The following ZFC3H1 variants were observed in gnomAD, a reference collection of about 807,000 sequenced individuals.
The protein encoded by ZFC3H1 is zinc finger C3H1 domain-containing protein.
Under a neutral mutation model 243.7 loss-of-function variants are expected in ZFC3H1, and 71 were observed. That is an observed-to-expected ratio of 0.29 (90% CI 0.24 to 0.36). The LOEUF (loss-of-function observed/expected upper bound fraction) is 0.36. Among genes scored for constraint, ZFC3H1 ranks in the 10% least tolerant of loss-of-function variants. The pLI is 1.00. For synonymous variants in ZFC3H1, 838 were observed against 813.0 expected, an observed-to-expected ratio of 1.03 and a Z score of -0.52; for missense variants, 1,966 against 2,317.1, an observed-to-expected ratio of 0.85 and a Z score of 3.11.
chr12:71,663,831 C>G lies in ZFC3H1; in HGVS notation c.-221G>C. ...TCCCTTTCCTAGCGCCCCCTTGCTC[C>G]TCAGCGATCGGGGTTCTTCCGCCTC... On this transcript the variant is annotated 5_prime_UTR_variant, in exon 1 of 35. Transcript: ENST00000378743. 1 of 586,392 alleles carries G rather than the reference C, an allele frequency of 1.7e-6. No homozygotes were observed. Among genetic ancestry groups the G allele is most frequent in the Admixed American group, 3.1e-5 (1 of 32,184 alleles). The allele number at this position is 586,392 out of a possible 1,614,324, so 36.3% of individuals were successfully genotyped here.
rs1277587906 is a variant in ZFC3H1 at position 71,638,469 on chromosome 12, C to A, written c.1674G>T (p.Gly558=). Residue 558 remains glycine, a synonymous_variant, in exon 7 of 35, where the codon GGG becomes GGT. Transcript: ENST00000378743. ...QPPFFSECSL[G]YFSPAPSLSL... ...AAAGAGATGGTGCTGGAGAAAAATACCCCAATGAACATTCAGAGAAAAATG... is the reference window on the plus strand; with the variant it reads ...AAAGAGATGGTGCTGGAGAAAAATAACCCAATGAACATTCAGAGAAAAATG... 2 of 1,612,646 alleles carry A rather than the reference C, an allele frequency of 1.2e-6. No homozygotes were observed. Among genetic ancestry groups the A allele is most frequent in the Admixed American group, 3.3e-5 (2 of 59,844 alleles).
chr12:71,657,559 C>T (rs1024805661), intron 1 of ZFC3H1, among the ~76,000 whole-genome samples: 5 of 152,132 alleles, frequency 3.3e-5, no homozygotes, highest in Non-Finnish European at 7.4e-5. Flanking sequence ...CAGTAGTATC[C>T]ACAGACAGTC....
intron 21 of ZFC3H1, 86 bp downstream of exon 21, chr12:71,627,665 C>A: frequency 2.3e-6 from 3 of 1,309,080 alleles, no homozygotes; most frequent in Non-Finnish European, 3.2e-6. Context: ...AGGAAAGAAA[C>A]CTGACTGATT....
chr12:71,651,217 T>C (rs1565826341), intron 2 of ZFC3H1, among the ~76,000 whole-genome samples: 1 of 152,218 alleles, frequency 6.6e-6, no homozygotes, highest in East Asian at 1.9e-4. Flanking sequence ...CTCTAGTTAT[T>C]CCTTTTGCAT....
rs756305042 is a variant in ZFC3H1, at chr12:71,623,992, G to C, written c.4506+112C>G. 490 of 1,135,780 alleles carry C rather than the reference G, an allele frequency of 4.3e-4. 1 individual carries two copies. Among genetic ancestry groups the C allele is most frequent in the South Asian group, 8.4e-4 (46 of 54,762 alleles). 70.4% of individuals were successfully genotyped at this position (1,135,780 alleles called of 1,614,324 possible). ...ACTTACTAGTAAGTGGAAAAACAAG[G>C]ATTCAAATCCAAATCTTGTGCTTTC... On this transcript the variant is annotated intron_variant, in intron 23 of 34. Transcript: ENST00000378743.
At chr12:71,645,170 T>C (rs1000034723) in intron 3 of ZFC3H1, 95 bp from the exon 4 acceptor site, 51 of 1,212,892 alleles carry the variant, frequency 4.2e-5, no homozygotes, top group Non-Finnish European at 5.7e-5. Context: ...AAATTTGAAG[T>C]GTGAAGGCAA....
At chr12:71,642,312 GC>G (rs1230076738) in intron 6 of ZFC3H1, 123 bp downstream of exon 6, 5 of 1,055,254 alleles carry the variant, frequency 4.7e-6, no homozygotes, top group Middle Eastern at 2.6e-4. Flanking sequence ...AATGTCTATC[GC>G]CATACAGTTC....
rs78266086 is a variant in ZFC3H1, at chr12:71,622,728, G to A, written c.4744+632C>T. On this transcript the variant is annotated intron_variant, in intron 24 of 34. Transcript: ENST00000378743. ...TCCGCGCACCTTGGCCTCCTTGGCT[G>A]GGATTACAGGCGTGAGCCACTGTGC... Among the ~76,000 whole-genome samples the A allele has an allele frequency of 4.5e-3, 682 of 152,310 alleles. 6 individuals carry two copies. Among genetic ancestry groups the A allele is most frequent in the African/African-American group, 0.016 (656 of 41,564 alleles).
intron 19 of ZFC3H1, 53 bp downstream of exon 19, chr12:71,629,556 T>TACACACACACACACACACACAC (rs35067681): frequency 1.6e-4 from 112 of 691,674 alleles, no homozygotes; most frequent in African/African-American, 1.4e-3. Flanking sequence ...AGAGATACAG[T>TACACACACACACACACACACAC]ACACACACAC....
Position 71,634,840 on chromosome 12 carries a change from AC to A in ZFC3H1, c.2239-16del, listed in dbSNP as rs781705564. Reference sequence around the variant, plus strand: ...TTTGAAGCTTGCTAAAAAAAAAAAAACATTTGAAGTCAACTAGATCATCAGC... The same window carrying A: ...TTTGAAGCTTGCTAAAAAAAAAAAAAATTTGAAGTCAACTAGATCATCAGC... On this transcript the variant is annotated splice_polypyrimidine_tract_variant and intron_variant, in intron 10 of 34. Coordinates refer to ENST00000378743, the MANE Select transcript of ZFC3H1 (RefSeq NM_144982.5). The A allele has an allele frequency of 6.7e-5, 103 of 1,539,920 alleles. No homozygotes were observed. In the East Asian group the frequency reaches 1.2e-3, roughly 17 times the overall value.
intron 26 of ZFC3H1, 125 bp downstream of exon 26, chr12:71,619,801 A>G (rs1029285114): frequency 4.9e-6 from 4 of 820,120 alleles, no homozygotes; most frequent in Non-Finnish European, 5.7e-6. Flanking sequence ...GCTATGGCAA[A>G]GAGAGAAGGA....
chr12:71,652,191 T>C (rs1009377808), intron 2 of ZFC3H1, among the ~76,000 whole-genome samples: 1 of 152,104 alleles, frequency 6.6e-6, no homozygotes, highest in African/African-American at 2.4e-5. Context: ...TGTAGAAACA[T>C]TTATATATAT....
rs1190096098 is a variant in ZFC3H1 at position 71,656,963 on chromosome 12, C to A, written c.937G>T (p.Asp313Tyr). The change falls in exon 2 of 35, where the codon GAT (aspartate) becomes TAT (tyrosine). Residue 313 changes from aspartate (D) to tyrosine (Y), a missense_variant. Physicochemically the swap from Asp to Tyr is radical, Grantham distance 160. Coordinates refer to ENST00000378743, the MANE Select transcript of ZFC3H1 (RefSeq NM_144982.5). ...PLRQKLTLPGDKNRLKKVKDG... is the reference protein window; with the variant it reads ...PLRQKLTLPGYKNRLKKVKDG... ...TTAACTTTTTTCAAACGGTTCTTAT[C>A]TCCTGGTAAAGTCAATTTTTGCCTG... The A allele has an allele frequency of 1.2e-6, 2 of 1,613,866 alleles. No homozygotes were observed. The highest frequency in any genetic ancestry group is 1.1e-5 in the South Asian group (1 of 91,068).
intron 2 of ZFC3H1, among the ~76,000 whole-genome samples, chr12:71,652,168 G>C (rs1282432776): frequency 6.6e-6 from 1 of 152,098 alleles, no homozygotes; most frequent in Non-Finnish European, 1.5e-5. Context: ...GAGGATTGGT[G>C]GGGAAATATA....
At chr12:71,611,962 T>TTG in intron 31 of ZFC3H1, 75 bp from the exon 32 acceptor site, 7 of 806,374 alleles carry the variant, frequency 8.7e-6, no homozygotes, top group Non-Finnish European at 1.4e-5. Context: ...ATGAGCACAA[T>TTG]GACGAAGTAT....
At chr12:71,621,130 T>C (rs1027645455) in intron 24 of ZFC3H1, among the ~76,000 whole-genome samples, 1 of 152,218 alleles carries the variant, frequency 6.6e-6, no homozygotes, top group Non-Finnish European at 1.5e-5. Context: ...CTTACTGTTA[T>C]GCTCTTAAAT....
In ZFC3H1 at chr12:71,610,343, A is replaced by G; in HGVS notation, c.*85T>C. 1 of 1,500,406 alleles carries G rather than the reference A, an allele frequency of 6.7e-7. No individual in the cohort carries two copies. The highest frequency in any genetic ancestry group is 9.0e-7 in the Non-Finnish European group (1 of 1,106,414). 92.9% of individuals were successfully genotyped at this position (1,500,406 alleles called of 1,614,324 possible). A position where few individuals can be genotyped will look rare whatever the true frequency, so the allele number is the denominator to read the frequency against. ...CGCTTGTCTGCCTTACACAGACCTT[A>G]GCCAGGGATCAGCCTAATCTTGAAG... On this transcript the variant is annotated 3_prime_UTR_variant, in exon 35 of 35. Transcript: ENST00000378743.
chr12:71,653,002 G>A (rs1350497069), intron 2 of ZFC3H1, among the ~76,000 whole-genome samples: 2 of 149,516 alleles, frequency 1.3e-5, no homozygotes, highest in African/African-American at 4.9e-5. Flanking sequence ...ATCACTAAAT[G>A]TTCAAGAAAA....
chr12:71,656,950 A>G lies in ZFC3H1; in HGVS notation c.950T>C (p.Leu317Ser), dbSNP rs917938405. 1.2e-6 allele frequency: 2 copies of G among 1,613,596 alleles called. No individual in the cohort carries two copies. The highest frequency in any genetic ancestry group is 1.1e-5 in the South Asian group (1 of 91,032). The change falls in exon 2 of 35, where the codon TTG becomes TCG. Residue 317 changes from leucine to serine, a missense_variant. Physicochemically the swap from Leu to Ser is moderately radical, Grantham distance 145 (BLOSUM62 -2). This residue lies in a region of ZFC3H1 where 484 missense variants were observed against 449.7 expected (regional missense o/e 1.08). Transcript: ENST00000378743. Reference protein sequence around the residue: ...KLTLPGDKNRLKKVKDGAKPL... With the variant: ...KLTLPGDKNRSKKVKDGAKPL... ...TTTTGCTCCATCTTTAACTTTTTTC[A>G]AACGGTTCTTATCTCCTGGTAAAGT...
Sources: gnomAD v4.1 joint callset for allele counts (sites outside exome capture counted in the v4.1 genomes callset) on GRCh38, gnomAD v4.1.1 for gene constraint, gnomAD v4.1.1 regional missense constraint, MANE v1.5 for transcripts, NCBI Gene and HGNC (gene_info 2026-07-23, HGNC 2026-07-21) for gene names.